Variants in RANBP3L observed in about 807,000 individuals in gnomAD.
RANBP3L encodes ran-binding protein 3-like.
RANBP3L carries 56 observed loss-of-function variants against 67.2 expected under a neutral mutation model. The ratio of observed to expected loss-of-function variants is 0.83; its 90% confidence interval spans 0.67 to 1.04. The LOEUF is 1.04. RANBP3L is among the 50% of genes least tolerant of loss of function. RANBP3L has a pLI of 0.00. For synonymous variants in RANBP3L, 164 were observed against 181.4 expected (o/e 0.90, Z 0.77); for missense variants, 496 against 535.5 (o/e 0.93, Z 0.73).
rs1385833017 is a variant in RANBP3L at position 36,255,465 on chromosome 5, C to T, written c.1024+5G>A. On this transcript the variant is annotated splice_donor_5th_base_variant and intron_variant, in intron 11 of 13. Coordinates refer to ENST00000296604, the MANE Select transcript of RANBP3L (RefSeq NM_145000.5). ...TATGGCTTGCTTTACAAAAGGATTC[C>T]TTACTTAGTCTTGACTGTAATGTTC... The T allele has an allele frequency of 6.2e-7, 1 of 1,605,224 alleles. No homozygotes were observed. Among genetic ancestry groups the T allele is most frequent in the African/African-American group, 1.3e-5 (1 of 74,486 alleles).
chr5:36,258,975 C>T (rs1473472624), intron 8 of RANBP3L, among the ~76,000 whole-genome samples: 3 of 152,130 alleles, frequency 2.0e-5, no homozygotes, highest in Non-Finnish European at 2.9e-5. Flanking sequence ...CTTTATATAC[C>T]GTAAGAACTC....
chr5:36,260,730 T>C, intron 8 of RANBP3L, 50 bp downstream of exon 8: 1 of 752,694 alleles, frequency 1.3e-6, no homozygotes, highest in Non-Finnish European at 2.2e-6. Flanking sequence ...TTTAGAAATT[T>C]AAAGTGACAG....
Position 36,301,481 on chromosome 5 carries a change from A to C in RANBP3L, c.-65T>G, listed in dbSNP as rs1752614222. On this transcript the variant is annotated 5_prime_UTR_variant, in exon 1 of 14. The change creates a premature stop within an existing upstream ORF in the 5' untranslated region. Coordinates refer to ENST00000296604, the MANE Select transcript of RANBP3L (RefSeq NM_145000.5). ...CACCTCCTTCTCTGGCCAGTCACCT[A>C]AAGTGGCCTTCACCAGACACCCAGA... 4.0e-6 allele frequency: 5 copies of C among 1,264,432 alleles called. No homozygotes were observed. The South Asian group carries it at 6.0e-5, about 15-fold the overall frequency. The allele number at this position is 1,264,432 out of a possible 1,614,324, so 78.3% of individuals were successfully genotyped here.
intron 1 of RANBP3L, among the ~76,000 whole-genome samples, chr5:36,295,906 A>G (rs141323048): frequency 6.6e-6 from 1 of 152,172 alleles, no homozygotes; most frequent in East Asian, 1.9e-4. Context: ...CCATTCCCCT[A>G]ACTTCCTAGG....
At chr5:36,296,860 G>A (rs1241414920) in intron 1 of RANBP3L, among the ~76,000 whole-genome samples, 6 of 152,174 alleles carry the variant, frequency 3.9e-5, no homozygotes, top group African/African-American at 1.4e-4. Context: ...ACAAAAGACT[G>A]ACTACCCCAG....
At chr5:36,264,797 C>T (rs1472714446) in intron 6 of RANBP3L, among the ~76,000 whole-genome samples, 162 bp downstream of exon 6, 1 of 152,146 alleles carries the variant, frequency 6.6e-6, no homozygotes, top group Non-Finnish European at 1.5e-5. Flanking sequence ...TCTCCAATGT[C>T]AGAGTACAAC....
intron 10 of RANBP3L, 97 bp downstream of exon 10, chr5:36,256,844 A>C (rs117299547): frequency 4.3e-6 from 5 of 1,154,942 alleles, no homozygotes; most frequent in Non-Finnish European, 6.2e-6. Context: ...CATGAAAACT[A>C]TACTTCTGTC....
At chr5:36,268,296 T>G in intron 4 of RANBP3L, 1 of 1,461,762 alleles carries the variant, frequency 6.8e-7, no homozygotes, top group East Asian at 2.6e-5. Context: ...CTAAAGTCAG[T>G]AAGAAAGTGG....
intron 1 of RANBP3L, among the ~76,000 whole-genome samples, chr5:36,277,544 C>A (rs762239607): frequency 4.0e-5 from 6 of 150,972 alleles, no homozygotes; most frequent in Non-Finnish European, 8.8e-5. Context: ...CTTCTTCTAA[C>A]CTTTTGAAAC....
rs1240159250 is a variant in RANBP3L, at chr5:36,260,837, A to G, written c.612T>C (p.Ser204=). The change falls in exon 8 of 14, where the codon TCT becomes TCC. Residue 204 remains serine (S), a synonymous_variant. Coordinates refer to ENST00000296604, the MANE Select transcript of RANBP3L (RefSeq NM_145000.5). Reference sequence around the variant, plus strand: ...CAAAATTGGAACTGCAGCTTTTAAAAGAACATTTATCTTCATTTGGTTGAC... The same window carrying G: ...CAAAATTGGAACTGCAGCTTTTAAAGGAACATTTATCTTCATTTGGTTGAC... ...VGCQPNEDKC[S]FKSCSSNFVF... is the part of the protein sequence containing the mutation. 2 of 1,537,582 alleles carry G rather than the reference A, an allele frequency of 1.3e-6. No homozygotes were observed. Among genetic ancestry groups the G allele is most frequent in the Non-Finnish European group, 1.8e-6 (2 of 1,116,744 alleles).
chr5:36,268,125 G>T, intron 4 of RANBP3L: 2 of 1,056,220 alleles, frequency 1.9e-6, no homozygotes, highest in Non-Finnish European at 2.7e-6. Flanking sequence ...AAAAAGAAAA[G>T]TCATCATTAA....
At chr5:36,268,490 C>T (rs1422787588) in intron 4 of RANBP3L, among the ~76,000 whole-genome samples, 2 of 152,032 alleles carry the variant, frequency 1.3e-5, no homozygotes, top group Non-Finnish European at 2.9e-5. Context: ...ATGTAAGACA[C>T]TATCAACCAT....
chr5:36,268,848 A>G (rs921417527), intron 4 of RANBP3L, among the ~76,000 whole-genome samples: 16 of 151,966 alleles, frequency 1.1e-4, no homozygotes, highest in African/African-American at 3.9e-4. Flanking sequence ...AGCTGGGACT[A>G]GAGGCACCTG....
chr5:36,295,717 G>C (rs942691325), intron 1 of RANBP3L, among the ~76,000 whole-genome samples: 1 of 124,102 alleles, frequency 8.1e-6, no homozygotes, highest in Non-Finnish European at 1.6e-5. Context: ...CCTAATATTT[G>C]TGAAGTGGGA....
At chr5:36,277,452 G>A (rs1559231) in intron 1 of RANBP3L, among the ~76,000 whole-genome samples, 26,148 of 120,332 alleles carry the variant, frequency 0.22, 2,517 homozygotes, top group South Asian at 0.29. Flanking sequence ...GTGTGTGTGT[G>A]TGTGTGTGTG....
chr5:36,253,601 A>G (rs765582329), intron 12 of RANBP3L, 46 bp downstream of exon 12: 3 of 1,485,906 alleles, frequency 2.0e-6, no homozygotes, highest in Non-Finnish European at 2.8e-6. Context: ...GCAGACGTCT[A>G]TTAATTTAGT....
chr5:36,275,174 A>C (rs1052084158), intron 1 of RANBP3L, among the ~76,000 whole-genome samples: 4 of 152,198 alleles, frequency 2.6e-5, no homozygotes, highest in Non-Finnish European at 5.9e-5. Context: ...ATCTCAGTTC[A>C]CTTGTAATTC....
Position 36,249,353 on chromosome 5 carries a change from C to A in RANBP3L, c.*301G>T, listed in dbSNP as rs1748444317. ...CAATTTATAATTCTAAGTATTATAT[C>A]CATCAATGTGATGAAGAGTCCAAAT... is the stretch of plus-strand genomic sequence containing the variant. On this transcript the variant is annotated 3_prime_UTR_variant, in exon 14 of 14. Coordinates refer to ENST00000296604, the MANE Select transcript of RANBP3L (RefSeq NM_145000.5). 3 of 192,632 alleles carry A rather than the reference C, an allele frequency of 1.6e-5. No homozygotes were observed. The highest frequency in any genetic ancestry group is 7.0e-5 in the African/African-American group (3 of 42,890). The allele number at this position is 192,632 out of a possible 1,614,324, so 11.9% of individuals were successfully genotyped here. A position where few individuals can be genotyped will look rare whatever the true frequency, so the allele number is the denominator to read the frequency against.
chr5:36,281,437 T>C (rs989405968), intron 1 of RANBP3L, among the ~76,000 whole-genome samples: 4 of 152,186 alleles, frequency 2.6e-5, no homozygotes, highest in Non-Finnish European at 4.4e-5. Flanking sequence ...TTCTTAGATA[T>C]CTGAGACTAT....
Sources: gnomAD v4.1 joint callset for allele counts (sites outside exome capture counted in the v4.1 genomes callset) on GRCh38, gnomAD v4.1.1 for gene constraint, MANE v1.5 for transcripts, NCBI Gene and HGNC (gene_info 2026-07-23, HGNC 2026-07-21) for gene names.